Variants in BICRA observed in about 807,000 individuals in gnomAD.
BICRA encodes the protein BRD4 interacting chromatin remodeling complex associated protein, also known as BRD4-interacting chromatin-remodeling complex-associated protein.
A neutral mutation model predicts 96.9 loss-of-function variants in BICRA; 31 were observed. That is an observed-to-expected ratio of 0.32 (90% confidence interval 0.24 to 0.43). BICRA has a LOEUF of 0.43. BICRA is among the 20% of genes least tolerant of loss of function. The pLI is 1.00. For missense variants in BICRA, 2,283 were observed against 2,190.3 expected (o/e 1.04, Z -0.84); for synonymous variants, 1,350 against 1,071.8 (o/e 1.26, Z -5.07).
chr19:47,680,181 C>A lies in BICRA; in HGVS notation c.1011C>A (p.Val337=), dbSNP rs572687679. ...CAGGCCTCGGCTCGTCGCCACTGGT[C>A]CCGGCGCCCAACGTGATCCTGCATC... ...VAPGLGSSPL[V]PAPNVILHRT... The change falls in exon 6 of 15, where the codon GTC becomes GTA. Residue 337 remains valine (V), a synonymous_variant. Coordinates refer to ENST00000594866, the MANE Select transcript of BICRA (RefSeq NM_001394372.1). 2.6e-6 allele frequency: 4 copies of A among 1,542,414 alleles called. No individual in the cohort carries two copies. The highest frequency in any genetic ancestry group is 4.9e-5 in the East Asian group (2 of 40,532).
In BICRA at chr19:47,701,062, G is replaced by A; in HGVS notation, c.3596-266G>A. On this transcript the variant is annotated intron_variant, in intron 14 of 14. Coordinates refer to ENST00000594866, the MANE Select transcript of BICRA (RefSeq NM_001394372.1). The surrounding 1 kb of genome is among the most constrained non-coding windows in gnomAD (Gnocchi z 5.4). ...CAAAGTGCTGGGATTACAGGCCTGA[G>A]CCTTGTTTTGTATTCTCTTAATTTA... 5.9e-6 allele frequency: 3 copies of A among 507,158 alleles called. No homozygotes were observed. The South Asian group carries it at 7.6e-5, about 13-fold the overall frequency. The allele number at this position is 507,158 out of a possible 1,614,324, so 31.4% of individuals were successfully genotyped here.
intron 1 of BICRA, among the ~76,000 whole-genome samples, chr19:47,657,573 T>C (rs1005885828): frequency 2.0e-5 from 3 of 151,904 alleles, no homozygotes; most frequent in Admixed American, 6.6e-5. Flanking sequence ...ATATTTTGTA[T>C]TTTTAGTAAA....
rs1355727774 is a variant in BICRA, at chr19:47,679,736, A to G, written c.566A>G (p.Asn189Ser). The change falls in exon 6 of 15, where the codon AAC becomes AGC. Residue 189 changes from asparagine (N) to serine (S), a missense_variant. Coordinates refer to ENST00000594866, the MANE Select transcript of BICRA (RefSeq NM_001394372.1). ...QALVPPQDVVNKALSVQPFLQ... is the reference protein window; with the variant it reads ...QALVPPQDVVSKALSVQPFLQ... ...CTGGTGCCGCCCCAGGACGTGGTCAACAAGGCCCTGAGTGTGCAGCCCTTC... is the reference window on the plus strand; with the variant it reads ...CTGGTGCCGCCCCAGGACGTGGTCAGCAAGGCCCTGAGTGTGCAGCCCTTC... 1 of 1,537,708 alleles carries G rather than the reference A, an allele frequency of 6.5e-7. No homozygotes were observed. The highest frequency in any genetic ancestry group is 2.0e-5 in the Admixed American group (1 of 49,798).
At chr19:47,611,248 A>G (rs900916632) in intron 1 of BICRA, among the ~76,000 whole-genome samples, 1 of 152,138 alleles carries the variant, frequency 6.6e-6, no homozygotes, top group East Asian at 1.9e-4. Context: ...AAATGTAGAT[A>G]ATATTTAGAA....
chr19:47,684,545 C>T (rs1314921324), intron 7 of BICRA, among the ~76,000 whole-genome samples: 3 of 152,304 alleles, frequency 2.0e-5, no homozygotes, highest in Non-Finnish European at 4.4e-5. Context: ...GTCTCAAACT[C>T]CTGACCTCAG....
At position 47,635,578 on chromosome 19, in the gene BICRA, G is replaced by C. The variant is rs562137701; in HGVS notation, c.-108+26410G>C. On this transcript the variant is annotated intron_variant, in intron 1 of 14. Transcript: ENST00000594866. ...CTATTTCTAGGATTTTTTTCAAACA[G>C]AAGCTCGATACCTGTTGAACAATAA... Among the ~76,000 whole-genome samples, 3 of 152,210 alleles carry C rather than the reference G, an allele frequency of 2.0e-5. No individual in the cohort carries two copies. The South Asian group carries it at 6.2e-4, about 32-fold the overall frequency.
intron 1 of BICRA, among the ~76,000 whole-genome samples, chr19:47,619,623 C>T (rs533677562): frequency 4.7e-5 from 7 of 150,168 alleles, no homozygotes; most frequent in Admixed American, 1.3e-4. Flanking sequence ...GGGCCAGGCA[C>T]GGTGGCTCAC....
chr19:47,658,207 G>A (rs747695758), intron 1 of BICRA, among the ~76,000 whole-genome samples: 1 of 152,162 alleles, frequency 6.6e-6, no homozygotes, highest in Non-Finnish European at 1.5e-5. Context: ...ACTATGGTCT[G>A]TCCTCTGTTG....
rs917324533 is a variant in BICRA at position 47,650,537 on chromosome 19, G to A, written c.-107-19906G>A. ...TTCCCAAAGTGCTGGGATTAGAGGT[G>A]TGAGCCACTGTGCCCGGCCAGTTTT... is the stretch of plus-strand genomic sequence containing the variant. On this transcript the variant is annotated intron_variant, in intron 1 of 14. Coordinates refer to ENST00000594866, the MANE Select transcript of BICRA (RefSeq NM_001394372.1). 9.4e-4 allele frequency among the ~76,000 whole-genome samples: 143 copies of A among 152,246 alleles called. 1 individual carries two copies. Among genetic ancestry groups the A allele is most frequent in the African/African-American group, 3.4e-3 (140 of 41,552 alleles).
intron 1 of BICRA, among the ~76,000 whole-genome samples, chr19:47,640,579 G>GCT (rs1177692725): frequency 6.6e-6 from 1 of 151,878 alleles, no homozygotes; most frequent in African/African-American, 2.4e-5. Flanking sequence ...TGACCTGCCA[G>GCT]TGGAGGATAC....
chr19:47,641,070 A>ATTTTTTTT (rs71180861), intron 1 of BICRA, among the ~76,000 whole-genome samples: 50 of 104,526 alleles, frequency 4.8e-4, no homozygotes, highest in East Asian at 8.4e-4. Context: ...TGCCTGGCTA[A>ATTTTTTTT]TTTTTTTTTT....
intron 2 of BICRA, among the ~76,000 whole-genome samples, chr19:47,672,404 A>G (rs1361366554): frequency 3.0e-5 from 4 of 132,244 alleles, no homozygotes; most frequent in South Asian, 2.7e-4. Context: ...AGGATGGGTA[A>G]GTAGATGGGT....
At chr19:47,626,965 G>T (rs1040116174) in intron 1 of BICRA, among the ~76,000 whole-genome samples, 1 of 151,896 alleles carries the variant, frequency 6.6e-6, no homozygotes, top group Non-Finnish European at 1.5e-5. Context: ...CAAGTGATCC[G>T]CCCGTCTTGG....
At chr19:47,667,173 C>A (rs763108708) in intron 1 of BICRA, among the ~76,000 whole-genome samples, 10 of 152,162 alleles carry the variant, frequency 6.6e-5, no homozygotes, top group African/African-American at 2.4e-4. Context: ...CGCCCACCCC[C>A]ACGCCGGGCT....
intron 9 of BICRA, 23 bp from the exon 10 acceptor site, chr19:47,695,342 T>TCGGGCCCCCCCCCCCCCCCCCCCC: frequency 1.6e-6 from 1 of 630,122 alleles, no homozygotes; most frequent in Non-Finnish European, 2.8e-6. Flanking sequence ...AGGCCCTGTC[T>TCGGGCCCCCCCCCCCCCCCCCCCC]CCCCCACCCC....
chr19:47,688,817 T>A (rs557694505), intron 7 of BICRA, among the ~76,000 whole-genome samples: 7 of 152,128 alleles, frequency 4.6e-5, no homozygotes, highest in African/African-American at 1.4e-4. Context: ...TTTTTTTCTT[T>A]GTTTTGTTTT....
chr19:47,687,157 G>A (rs138053268), intron 7 of BICRA, among the ~76,000 whole-genome samples: 1 of 152,128 alleles, frequency 6.6e-6, no homozygotes, highest in Non-Finnish European at 1.5e-5. Flanking sequence ...AACGTTTCAG[G>A]CTTTTGCGGG....
intron 1 of BICRA, among the ~76,000 whole-genome samples, chr19:47,610,020 C>G (rs569726858): frequency 6.6e-6 from 1 of 152,176 alleles, no homozygotes; most frequent in African/African-American, 2.4e-5. Context: ...GGCCCCCCAT[C>G]TCCTACCCCT....
intron 5 of BICRA, among the ~76,000 whole-genome samples, chr19:47,677,357 C>T (rs192255546): frequency 6.6e-6 from 1 of 152,274 alleles, no homozygotes; most frequent in Admixed American, 6.5e-5. Context: ...AGATATTTTT[C>T]CATGCGTGTC....
Sources: allele counts gnomAD v4.1 joint callset (sites outside exome capture counted in the v4.1 genomes callset), GRCh38; gene constraint gnomAD v4.1.1; non-coding constraint Gnocchi (gnomAD v3.1); transcripts MANE v1.5; gene names NCBI Gene and HGNC (gene_info 2026-07-23, HGNC 2026-07-21).